Variants in CNTN4 observed in about 807,000 individuals in gnomAD.
CNTN4 encodes contactin 4.
In CNTN4, 77 loss-of-function variants were observed where a neutral mutation model predicts 122.5. The ratio of observed to expected loss-of-function variants is 0.63; its 90% CI spans 0.52 to 0.76. The LOEUF is 0.76. Ranked by LOEUF, CNTN4 falls within the 30% of genes least tolerant of loss-of-function variation. The probability of loss-of-function intolerance (pLI) is 0.00; values close to 1 mark genes in which losing one functional copy is unlikely to be tolerated. For missense variants in CNTN4, 1,256 were observed against 1,259.1 expected (o/e 1.00, Z 0.04); for synonymous variants, 512 against 447.0 (o/e 1.15, Z -1.83).
At chr3:2,512,912 G>A (rs766031833) in intron 3 of CNTN4, among the ~76,000 whole-genome samples, 1 of 152,164 alleles carries the variant, frequency 6.6e-6, no homozygotes, top group Admixed American at 6.6e-5. Context: ...GACAGAGTAT[G>A]TTCTCATTAG....
chr3:2,328,477 A>G (rs1259478135), intron 2 of CNTN4, among the ~76,000 whole-genome samples: 1 of 152,232 alleles, frequency 6.6e-6, no homozygotes. Flanking sequence ...ATCTCGCATC[A>G]TGTAAAACTT....
chr3:2,550,494 T>C (rs1341875395), intron 3 of CNTN4, among the ~76,000 whole-genome samples: 1 of 152,174 alleles, frequency 6.6e-6, no homozygotes, highest in Non-Finnish European at 1.5e-5. Context: ...GCTTTTACAC[T>C]GTTGGTGGGA....
chr3:2,650,586 A>G (rs899456597), intron 4 of CNTN4, among the ~76,000 whole-genome samples: 4 of 152,168 alleles, frequency 2.6e-5, no homozygotes, highest in Non-Finnish European at 1.5e-5. Context: ...GCAAACTTCA[A>G]TGTTGTCTTA....
At chr3:2,433,803 T>C (rs1363329013) in intron 3 of CNTN4, among the ~76,000 whole-genome samples, 1 of 152,210 alleles carries the variant, frequency 6.6e-6, no homozygotes, top group Non-Finnish European at 1.5e-5. Context: ...AGGTTTACGA[T>C]GTGAGGTAAG....
In CNTN4 at chr3:2,584,400, T is replaced by C. The variant is rs533678868; in HGVS notation, c.55+12842T>C. Among the ~76,000 whole-genome samples the C allele has an allele frequency of 3.6e-3, 552 of 152,160 alleles. 2 individuals carry two copies. Among genetic ancestry groups the C allele is most frequent in the Non-Finnish European group, 6.1e-3 (412 of 67,988 alleles). Reference sequence around the variant, plus strand: ...GATTGTGTTTAGTTTTGTTGTAAAGTTGACCAAGAACGGAATAGGTCTGCC... The same window carrying C: ...GATTGTGTTTAGTTTTGTTGTAAAGCTGACCAAGAACGGAATAGGTCTGCC... On this transcript the variant is annotated intron_variant, in intron 4 of 24. Coordinates refer to ENST00000418658, the MANE Select transcript of CNTN4 (RefSeq NM_175607.3).
chr3:2,437,276 A>G lies in CNTN4; in HGVS notation c.-89+98043A>G, dbSNP rs529055218. ...TTTCATAGGTTTTTCCCTCTCTTGG[A>G]ATGCTTTAGAAGAAAAGTTTTTATA... On this transcript the variant is annotated intron_variant, in intron 3 of 24. Coordinates refer to ENST00000418658, the MANE Select transcript of CNTN4 (RefSeq NM_175607.3). Among the ~76,000 whole-genome samples the G allele has an allele frequency of 5.8e-4, 89 of 152,240 alleles. 1 individual carries two copies. In the Middle Eastern group the frequency reaches 0.01, roughly 17 times the overall value.
intron 3 of CNTN4, among the ~76,000 whole-genome samples, chr3:2,411,480 A>C (rs2047225633): frequency 6.6e-6 from 1 of 152,228 alleles, no homozygotes; most frequent in Non-Finnish European, 1.5e-5. Flanking sequence ...GCAAAAAAGT[A>C]GACTATTGAT....
rs7642398 is a variant in CNTN4 at position 2,604,150 on chromosome 3, A to G, written c.55+32592A>G. ...TCAAAGAAAAAGAAAGTAGGATTCT[A>G]CCATATATCCAGAGAGATATCACTA... On this transcript the variant is annotated intron_variant, in intron 4 of 24. Coordinates refer to ENST00000418658, the MANE Select transcript of CNTN4 (RefSeq NM_175607.3). 6.4e-3 allele frequency among the ~76,000 whole-genome samples: 971 copies of G among 152,284 alleles called. 15 individuals carry two copies. Among genetic ancestry groups the G allele is most frequent in the African/African-American group, 0.022 (919 of 41,558 alleles).
At chr3:2,387,657 C>T (rs1166841525) in intron 3 of CNTN4, among the ~76,000 whole-genome samples, 1 of 152,042 alleles carries the variant, frequency 6.6e-6, no homozygotes, top group African/African-American at 2.4e-5. Flanking sequence ...GGATGAAATT[C>T]ACTTTGATTT....
chr3:2,507,928 A>G (rs890053970), intron 3 of CNTN4, among the ~76,000 whole-genome samples: 17 of 152,102 alleles, frequency 1.1e-4, no homozygotes, highest in African/African-American at 3.6e-4. Context: ...AGTGACTACA[A>G]ATTTCTGAGC....
At chr3:2,922,879 G>T (rs893839241) in intron 12 of CNTN4, among the ~76,000 whole-genome samples, 2 of 152,106 alleles carry the variant, frequency 1.3e-5, no homozygotes, top group African/African-American at 4.8e-5. Flanking sequence ...CCAAAGTGCT[G>T]GGATTACAGA....
At position 3,042,442 on chromosome 3, in the gene CNTN4, C is replaced by G. The variant is rs1192723117; in HGVS notation, c.2511+20C>G. ...TATGAGGTAGGCAAGACATATGTGC[C>G]TTGGGTCTGAAAGAGAGTCTATGCC... On this transcript the variant is annotated intron_variant, in intron 21 of 24. Coordinates refer to ENST00000418658, the MANE Select transcript of CNTN4 (RefSeq NM_175607.3). 6.7e-7 allele frequency: 1 copy of G among 1,501,164 alleles called. No homozygotes were observed. The highest frequency in any genetic ancestry group is 9.3e-7 in the Non-Finnish European group (1 of 1,076,962). 93.0% of individuals were successfully genotyped at this position (1,501,164 alleles called of 1,614,324 possible).
chr3:2,326,272 T>C (rs2043452910), intron 2 of CNTN4, among the ~76,000 whole-genome samples: 1 of 152,140 alleles, frequency 6.6e-6, no homozygotes, highest in African/African-American at 2.4e-5. Context: ...TGCATTCAGA[T>C]TGAAACTGAA....
At chr3:2,406,134 A>C (rs1237354782) in intron 3 of CNTN4, among the ~76,000 whole-genome samples, 2 of 152,320 alleles carry the variant, frequency 1.3e-5, no homozygotes, top group East Asian at 3.9e-4. Context: ...TTCAAAAAAA[A>C]CATTTCTTAC....
At chr3:2,219,081 A>G (rs762978878) in intron 2 of CNTN4, among the ~76,000 whole-genome samples, 1 of 152,192 alleles carries the variant, frequency 6.6e-6, no homozygotes, top group Admixed American at 6.5e-5. Context: ...TATTTCCATG[A>G]AGGCAGATTT....
Position 2,600,005 on chromosome 3 carries a change from C to CTTTT in CNTN4, c.55+28449_55+28450insTTTT, listed in dbSNP as rs1220761684. On this transcript the variant is annotated intron_variant, in intron 4 of 24. Coordinates refer to ENST00000418658, the MANE Select transcript of CNTN4 (RefSeq NM_175607.3). ...CAACTCTATTTTGGTTTATGGAATT[C>CTTTT]TTCTTTTTTTTTTTTTTTTTTTTTT... Among the ~76,000 whole-genome samples, 111 of 28,292 alleles carry CTTTT rather than the reference C, an allele frequency of 3.9e-3. 29 individuals carry two copies. The highest frequency in any genetic ancestry group is 6.6e-3 in the Non-Finnish European group (70 of 10,608). The allele number at this position is 28,292 out of a possible 152,430, so 18.6% of individuals were successfully genotyped here.
At chr3:2,248,178 C>T (rs960608351) in intron 2 of CNTN4, among the ~76,000 whole-genome samples, 11 of 151,904 alleles carry the variant, frequency 7.2e-5, no homozygotes, top group Non-Finnish European at 1.6e-4. Flanking sequence ...GAATCATTAG[C>T]TCTATGAATA....
At chr3:2,529,110 C>G (rs75802233) in intron 3 of CNTN4, among the ~76,000 whole-genome samples, 4 of 151,998 alleles carry the variant, frequency 2.6e-5, no homozygotes, top group East Asian at 3.9e-4. Context: ...TTTGCTCTCC[C>G]CACTCTTCCC....
intron 4 of CNTN4, among the ~76,000 whole-genome samples, chr3:2,636,259 A>T (rs567633213): frequency 6.6e-6 from 1 of 152,332 alleles, no homozygotes; most frequent in South Asian, 2.1e-4. Flanking sequence ...CTAATTCCAC[A>T]TACTCTAAAA....
Sources: allele counts gnomAD v4.1 joint callset (sites outside exome capture counted in the v4.1 genomes callset), GRCh38; gene constraint gnomAD v4.1.1; transcripts MANE v1.5; gene names NCBI Gene and HGNC (gene_info 2026-07-23, HGNC 2026-07-21).